The following WDR90 variants were observed in gnomAD, a reference collection of about 807,000 sequenced individuals.
WDR90 encodes the protein WD repeat-containing protein 90.
A neutral mutation model predicts 195.2 loss-of-function variants in WDR90; 238 were observed. The observed-to-expected ratio is 1.22, with a 90% CI of 1.10 to 1.36. The LOEUF (loss-of-function observed/expected upper bound fraction) is 1.36. Among genes scored for constraint, WDR90 ranks in the 40% most tolerant of loss-of-function variants. WDR90 has a pLI of 0.00. For synonymous variants in WDR90, 1,265 were observed against 1,052.4 expected (o/e 1.20, Z -3.91); for missense variants, 2,734 against 2,439.5 (o/e 1.12, Z -2.54).
chr16:651,782 G>A, intron 8 of WDR90, 35 bp downstream of exon 8: 1 of 1,612,550 alleles, frequency 6.2e-7, no homozygotes, highest in Non-Finnish European at 8.5e-7. Flanking sequence ...GATGGGGTTG[G>A]GGTGTGATGG....
intron 17 of WDR90, 126 bp downstream of exon 17, chr16:656,015 G>A (rs757162151): frequency 6.9e-6 from 8 of 1,159,806 alleles, no homozygotes; most frequent in Admixed American, 4.4e-5. Flanking sequence ...GGTGCCACGG[G>A]GCCAAGTGGC....
In WDR90 at chr16:663,106, TTTTG is replaced by T. The variant is rs760526002; in HGVS notation, c.4311+274_4311+277del. On this transcript the variant is annotated intron_variant, in intron 34 of 40. Coordinates refer to ENST00000293879, the MANE Select transcript of WDR90 (RefSeq NM_145294.5). ...CTTTCCCTGCTATTGCTTTGCGTTTTTTTGTTTGTTTGTTTTTTGTTTTTTGTAA... is the reference window on the plus strand; with the variant it reads ...CTTTCCCTGCTATTGCTTTGCGTTTTTTTGTTTGTTTTTTGTTTTTTGTAA... The T allele has an allele frequency of 9.2e-4, 579 of 627,550 alleles. 3 individuals carry two copies. The highest frequency in any genetic ancestry group is 1.5e-3 in the South Asian group (90 of 61,870). The allele number at this position is 627,550 out of a possible 1,614,324, so 38.9% of individuals were successfully genotyped here.
At position 655,337 on chromosome 16, in the gene WDR90, G is replaced by C. The variant is rs200531845; in HGVS notation, c.1587G>C (p.Arg529=). The stretch of plus-strand genomic sequence containing the variant: ...CGTCGTGCGGGCAGGGCAGTGTGCG[G>C]CTCTGGCGGCTGCGTGGCGGGGTGC... ...RMASCGQGSV[R]LWRLRGGVLR... Residue 529 remains arginine (R), a synonymous_variant, in exon 15 of 41, where the codon CGG becomes CGC. Coordinates refer to ENST00000293879, the MANE Select transcript of WDR90 (RefSeq NM_145294.5). 290 of 1,603,566 alleles carry C rather than the reference G, an allele frequency of 1.8e-4. No homozygotes were observed. The highest frequency in any genetic ancestry group is 2.1e-4 in the Non-Finnish European group (248 of 1,179,434).
In WDR90 at chr16:663,103, T is replaced by A. The variant is rs1030301322; in HGVS notation, c.4311+259T>A. 9.5e-6 allele frequency: 6 copies of A among 631,276 alleles called. No homozygotes were observed. In the Admixed American group the frequency reaches 1.4e-4, roughly 15 times the overall value. 39.1% of individuals were successfully genotyped at this position (631,276 alleles called of 1,614,324 possible). ...GTCCTTTCCCTGCTATTGCTTTGCG[T>A]TTTTTTGTTTGTTTGTTTTTTGTTT... On this transcript the variant is annotated intron_variant, in intron 34 of 40. Coordinates refer to ENST00000293879, the MANE Select transcript of WDR90 (RefSeq NM_145294.5).
chr16:655,916 C>A lies in WDR90; in HGVS notation c.1966+27C>A, dbSNP rs759189814. The A allele has an allele frequency of 3.8e-6, 6 of 1,569,530 alleles. No homozygotes were observed. The South Asian group carries it at 5.8e-5, about 15-fold the overall frequency. ...TGATGCTGTGGGCACGCTCTCCCAACTCCGGGAGAGCCTCGCCTGGATGCT... is the reference window on the plus strand; with the variant it reads ...TGATGCTGTGGGCACGCTCTCCCAAATCCGGGAGAGCCTCGCCTGGATGCT... On this transcript the variant is annotated intron_variant, in intron 17 of 40. Coordinates refer to ENST00000293879, the MANE Select transcript of WDR90 (RefSeq NM_145294.5).
In WDR90 at chr16:655,856, C is replaced by G; in HGVS notation, c.1933C>G (p.Pro645Ala). The change falls in exon 17 of 41, where the codon CCC (proline) becomes GCC (alanine). Residue 645 changes from proline (P) to alanine (A), a missense_variant. Physicochemically the swap from Pro to Ala is conservative, Grantham distance 27. Transcript: ENST00000293879. ...TGAGGACGGCTTCTTGCGGCTCTGGCCCCTGGACTTCTCCTCGGTGCTCCT... is the reference window on the plus strand; with the variant it reads ...TGAGGACGGCTTCTTGCGGCTCTGGGCCCTGGACTTCTCCTCGGTGCTCCT... The part of the protein sequence containing the change: ...GSEDGFLRLW[P>A]LDFSSVLLEA... 1 of 1,598,872 alleles carries G rather than the reference C, an allele frequency of 6.3e-7. No homozygotes were observed.
At chr16:653,994 C>G in intron 13 of WDR90, 191 bp downstream of exon 13, 1 of 682,166 alleles carries the variant, frequency 1.5e-6, no homozygotes. Context: ...CCACCACCAG[C>G]AGCTCACATT....
rs909556613 is a variant in WDR90, at chr16:661,968, C to T, written c.3942C>T (p.Leu1314=). ...TSLCYGAPPL[L]YCGTSSGQVC... is the part of the protein sequence containing the mutation. The stretch of plus-strand genomic sequence containing the variant: ...TCTGCTACGGGGCACCTCCCCTGCT[C>T]TATTGTGGCACCAGCTCTGGCCAGG... The change falls in exon 32 of 41, where the codon CTC becomes CTT. Residue 1314 remains leucine (L), a synonymous_variant. Transcript: ENST00000293879. 6.2e-7 allele frequency: 1 copy of T among 1,606,726 alleles called. No individual in the cohort carries two copies.
At position 655,388 on chromosome 16, in the gene WDR90, G is replaced by A. The variant is rs750396626; in HGVS notation, c.1638G>A (p.Gly546=). 1.3e-6 allele frequency: 2 copies of A among 1,598,700 alleles called. No individual in the cohort carries two copies. The highest frequency in any genetic ancestry group is 1.7e-6 in the Non-Finnish European group (2 of 1,178,022). ...GVLRSCPVDL[G]EHHALQFTDL... is the part of the protein sequence containing the mutation. ...TGCGTTCCTGCCCCGTGGACTTAGG[G>A]GAGCACCACGCGCTGCAGTTCACCG... Residue 546 remains glycine (G), a synonymous_variant, in exon 15 of 41, where the codon GGG becomes GGA. Coordinates refer to ENST00000293879, the MANE Select transcript of WDR90 (RefSeq NM_145294.5).
chr16:651,289 G>A (rs1464558728), intron 7 of WDR90, 23 bp downstream of exon 7: 1 of 1,612,230 alleles, frequency 6.2e-7, no homozygotes, highest in Non-Finnish European at 8.5e-7. Context: ...GGTCAGCGGG[G>A]ACCCAGGTTA....
chr16:651,273 C>CT lies in WDR90; in HGVS notation c.736+8dup, dbSNP rs369762418. ...TGTTCCCCTCCTGAGGCAGGTGGGT[C>CT]TGGGGGGTCAGCGGGGACCCAGGTT... On this transcript the variant is annotated splice_region_variant and intron_variant, in intron 7 of 40. Transcript: ENST00000293879. 6.2e-5 allele frequency: 100 copies of CT among 1,612,864 alleles called. 2 individuals carry two copies. In the East Asian group the frequency reaches 2.1e-3, roughly 35 times the overall value.
intron 34 of WDR90, 184 bp downstream of exon 34, chr16:663,028 G>T: frequency 1.1e-6 from 1 of 919,608 alleles, no homozygotes; most frequent in East Asian, 2.6e-5. Flanking sequence ...CGTCCCGGTT[G>T]TGTCTGCACA....
chr16:660,196 C>T, intron 27 of WDR90, 35 bp downstream of exon 27: 1 of 1,469,526 alleles, frequency 6.8e-7, no homozygotes, highest in South Asian at 1.3e-5. Flanking sequence ...TCTTTATCCC[C>T]AGCAAGCACA....
chr16:657,683 G>T, intron 20 of WDR90, 79 bp from the exon 21 acceptor site: 1 of 1,439,576 alleles, frequency 6.9e-7, no homozygotes. Flanking sequence ...TGGGGGCAGG[G>T]GCGGCGGCCT....
chr16:665,978 C>T lies in WDR90; in HGVS notation c.4463C>T (p.Pro1488Leu), dbSNP rs372282835. The change falls in exon 36 of 41, where the codon CCG becomes CTG. Residue 1488 changes from proline to leucine, a missense_variant. Transcript: ENST00000293879. ...TGCCTCTGCCTGGCATGGAGCCCCC[C>T]GTGCTGTGGCCGCCCTGAGCAGCAG... ...QSCLCLAWSP[P>L]CCGRPEQQRL... is the part of the protein sequence containing the mutation. The T allele has an allele frequency of 2.4e-5, 39 of 1,600,584 alleles. No individual in the cohort carries two copies. The highest frequency in any genetic ancestry group is 3.3e-4 in the Middle Eastern group (2 of 6,032).
intron 1 of WDR90, 102 bp downstream of exon 1, chr16:649,528 G>T: frequency 9.5e-6 from 12 of 1,258,348 alleles, no homozygotes; most frequent in Non-Finnish European, 1.2e-5. Flanking sequence ...AGGCCCTGAG[G>T]CCAGAGTCCC....
chr16:652,408 C>T (rs936856431), intron 9 of WDR90, 59 bp from the exon 10 acceptor site: 30 of 1,542,112 alleles, frequency 1.9e-5, no homozygotes, highest in Non-Finnish European at 2.6e-5. Flanking sequence ...CGGAGTTGGT[C>T]GGGCATTCTG....
At chr16:666,850 G>C in intron 39 of WDR90, 55 bp from the exon 40 acceptor site, 1 of 1,612,904 alleles carries the variant, frequency 6.2e-7, no homozygotes, top group South Asian at 1.1e-5. Flanking sequence ...TGGTGGGTGG[G>C]GCCTGGCTGA....
intron 13 of WDR90, 109 bp downstream of exon 13, chr16:653,912 G>A: frequency 7.2e-7 from 1 of 1,386,974 alleles, no homozygotes; most frequent in Non-Finnish European, 9.9e-7. Context: ...CTGGGTCCCT[G>A]CTCTGTGTCC....
Sources: allele counts gnomAD v4.1 joint callset, GRCh38; gene constraint gnomAD v4.1.1; transcripts MANE v1.5; gene names NCBI Gene and HGNC (gene_info 2026-07-23, HGNC 2026-07-21).